Variants in USP13 observed in about 807,000 individuals in gnomAD.
USP13 encodes the protein ubiquitin carboxyl-terminal hydrolase 13.
USP13 carries 68 observed loss-of-function variants against 107.8 expected under a neutral mutation model. The ratio of observed to expected loss-of-function variants is 0.63; its 90% CI spans 0.52 to 0.77. The LOEUF (loss-of-function observed/expected upper bound fraction) is 0.77, where lower values mean the gene tolerates loss of function less well. Ranked by LOEUF, USP13 falls within the 30% of genes least tolerant of loss-of-function variation. The probability of loss-of-function intolerance (pLI) is 0.00; values close to 1 mark genes in which losing one functional copy is unlikely to be tolerated. For missense variants in USP13, 945 were observed against 1,093.3 expected (o/e 0.86, Z 1.91); for synonymous variants, 377 against 389.5 (o/e 0.97, Z 0.38).
intron 19 of USP13, among the ~76,000 whole-genome samples, chr3:179,771,980 C>T (rs1715355116): frequency 6.6e-6 from 1 of 152,188 alleles, no homozygotes; most frequent in East Asian, 1.9e-4. Flanking sequence ...TTTTCCTTCA[C>T]TGCTTATAGG....
Position 179,730,261 on chromosome 3 carries a change from G to A in USP13, c.1160+1G>A, listed in dbSNP as rs779427875. On this transcript the variant is annotated splice_donor_variant, in intron 9 of 20. Transcript: ENST00000263966. LOFTEE classifies it high-confidence loss of function. ...CAACACAAGATTTCAACACACAGAT[G>A]TAAGTGCCAGATTTGTATTTTTTTT... The A allele has an allele frequency of 2.5e-6, 4 of 1,586,092 alleles. No individual in the cohort carries two copies. In the African/African-American group the frequency reaches 4.5e-5, roughly 18 times the overall value.
intron 19 of USP13, among the ~76,000 whole-genome samples, chr3:179,777,491 C>T (rs1252760129): frequency 1.4e-5 from 2 of 140,506 alleles, no homozygotes; most frequent in Admixed American, 7.6e-5. Context: ...CTCATTCTGT[C>T]GCCCAGGCTG....
chr3:179,662,769 G>T (rs1576907781), intron 1 of USP13, among the ~76,000 whole-genome samples: 1 of 152,168 alleles, frequency 6.6e-6, no homozygotes, highest in East Asian at 1.9e-4. Context: ...CTGTCAGAAA[G>T]ACTTTTTGGA....
intron 13 of USP13, 52 bp downstream of exon 13, chr3:179,745,269 T>TG: frequency 9.5e-7 from 1 of 1,048,196 alleles, no homozygotes; most frequent in Admixed American, 2.3e-5. Context: ...CCTTGAGGGG[T>TG]GGGGACAGGG....
chr3:179,657,739 G>T (rs1231784851), intron 1 of USP13, among the ~76,000 whole-genome samples: 1 of 141,080 alleles, frequency 7.1e-6, no homozygotes, highest in Admixed American at 7.1e-5. Flanking sequence ...ACTCCAGCCT[G>T]GTGACAGAGG....
chr3:179,716,106 T>G lies in USP13; in HGVS notation c.806-3834T>G, dbSNP rs536006751. 2.6e-5 allele frequency among the ~76,000 whole-genome samples: 4 copies of G among 152,268 alleles called. 1 individual carries two copies. The highest frequency in any genetic ancestry group is 9.6e-5 in the African/African-American group (4 of 41,550). On this transcript the variant is annotated intron_variant, in intron 6 of 20. Transcript: ENST00000263966. ...CGCCAAGCTAATTCTGTATTTTTAGTAGAGACGGGGTTTCTTCATGTTGGT... is the reference window on the plus strand; with the variant it reads ...CGCCAAGCTAATTCTGTATTTTTAGGAGAGACGGGGTTTCTTCATGTTGGT...
intron 10 of USP13, among the ~76,000 whole-genome samples, chr3:179,733,132 C>T (rs1174744120): frequency 1.3e-5 from 2 of 152,176 alleles, no homozygotes; most frequent in Non-Finnish European, 2.9e-5. Flanking sequence ...CTGACTGGGA[C>T]TCTGGGTATT....
At position 179,728,324 on chromosome 3, in the gene USP13, C is replaced by T. The variant is rs1391585686; in HGVS notation, c.1089-1865C>T. 1.6e-4 allele frequency among the ~76,000 whole-genome samples: 23 copies of T among 148,336 alleles called. No individual in the cohort carries two copies. The South Asian group carries it at 3.7e-3, about 24-fold the overall frequency. Reference sequence around the variant, plus strand: ...CTCAGACGGGGCGGCCGGGCAGAGACGCTCCTCACATCCCGGACGGGGCGG... The same window carrying T: ...CTCAGACGGGGCGGCCGGGCAGAGATGCTCCTCACATCCCGGACGGGGCGG... On this transcript the variant is annotated intron_variant, in intron 8 of 20. Transcript: ENST00000263966.
intron 15 of USP13, among the ~76,000 whole-genome samples, chr3:179,755,499 CT>C (rs1224921688): frequency 2.6e-5 from 4 of 152,058 alleles, no homozygotes; most frequent in Non-Finnish European, 5.9e-5. Flanking sequence ...GGGGTTTCAC[CT>C]TGTGAGCGAG....
intron 6 of USP13, 45 bp from the exon 7 acceptor site, chr3:179,719,895 G>T: frequency 1.3e-6 from 2 of 1,525,968 alleles, no homozygotes; most frequent in South Asian, 2.3e-5. Context: ...GATATTCAGT[G>T]ACTTGATTAC....
chr3:179,764,479 T>C (rs1481669284), intron 18 of USP13, among the ~76,000 whole-genome samples: 2 of 152,140 alleles, frequency 1.3e-5, no homozygotes. Context: ...CTTGTGGCCC[T>C]AGAGGAAAGA....
intron 8 of USP13, among the ~76,000 whole-genome samples, chr3:179,723,639 T>G (rs1240092984): frequency 6.6e-6 from 1 of 152,192 alleles, no homozygotes; most frequent in African/African-American, 2.4e-5. Flanking sequence ...GTCTTAGAAT[T>G]TTATATTACT....
intron 3 of USP13, among the ~76,000 whole-genome samples, chr3:179,698,915 G>C (rs1041527388): frequency 2.7e-5 from 4 of 150,546 alleles, no homozygotes; most frequent in African/African-American, 9.8e-5. Flanking sequence ...TGTTGCTCAG[G>C]CTAGAGTGCA....
chr3:179,741,317 G>T (rs1714192190), intron 11 of USP13, among the ~76,000 whole-genome samples: 1 of 151,934 alleles, frequency 6.6e-6, no homozygotes, highest in Admixed American at 6.6e-5. Flanking sequence ...GCAGGTTCAA[G>T]TGATTCTTCT....
intron 1 of USP13, among the ~76,000 whole-genome samples, chr3:179,656,169 G>T (rs147973537): frequency 6.6e-6 from 1 of 152,336 alleles, no homozygotes; most frequent in East Asian, 1.9e-4. Flanking sequence ...AAGATACAAC[G>T]TGTGAATATT....
intron 6 of USP13, among the ~76,000 whole-genome samples, chr3:179,709,471 G>A (rs1712843918): frequency 6.6e-6 from 1 of 152,170 alleles, no homozygotes; most frequent in African/African-American, 2.4e-5. Flanking sequence ...GAAATCACCT[G>A]GCAGTGATGG....
chr3:179,678,229 A>C lies in USP13; in HGVS notation c.169-3649A>C, dbSNP rs1399287352. Among the ~76,000 whole-genome samples, 1 of 152,196 alleles carries C rather than the reference A, an allele frequency of 6.6e-6. No individual in the cohort carries two copies. The highest frequency in any genetic ancestry group is 1.5e-5 in the Non-Finnish European group (1 of 68,034). ...GAATGGAACTTTTTAAAAAAATCAC[A>C]ATGGATTTAATGAATAATTGACTAT... is the stretch of plus-strand genomic sequence containing the variant. On this transcript the variant is annotated intron_variant, in intron 1 of 20. Coordinates refer to ENST00000263966, the MANE Select transcript of USP13 (RefSeq NM_003940.3). The surrounding 1 kb of genome is among the most constrained non-coding windows in gnomAD (Gnocchi z 4.2).
chr3:179,756,674 C>G (rs951815636), intron 15 of USP13, among the ~76,000 whole-genome samples: 6 of 152,166 alleles, frequency 3.9e-5, no homozygotes, highest in Non-Finnish European at 7.3e-5. Flanking sequence ...AGGAGGATCA[C>G]CTGAGCCCAG....
chr3:179,780,311 T>C (rs1256084108), intron 19 of USP13, among the ~76,000 whole-genome samples: 1 of 152,224 alleles, frequency 6.6e-6, no homozygotes, highest in Non-Finnish European at 1.5e-5. Flanking sequence ...GCAGATGACA[T>C]AATCTCATAT....
Sources: gnomAD v4.1 joint callset for allele counts (sites outside exome capture counted in the v4.1 genomes callset) on GRCh38, gnomAD v4.1.1 for gene constraint, Gnocchi (gnomAD v3.1) non-coding constraint, MANE v1.5 for transcripts, NCBI Gene and HGNC (gene_info 2026-07-23, HGNC 2026-07-21) for gene names.